Variants in CNTN3 observed in about 807,000 individuals in gnomAD.
CNTN3 encodes contactin-3.
Under a neutral mutation model 119.1 loss-of-function variants are expected in CNTN3, and 60 were observed. The observed-to-expected ratio is 0.50, with a 90% CI of 0.41 to 0.62. The LOEUF (loss-of-function observed/expected upper bound fraction) is 0.62, where lower values mean the gene tolerates loss of function less well. CNTN3 is among the 20% of genes least tolerant of loss of function. The probability of loss-of-function intolerance (pLI) is 0.00; values close to 1 mark genes in which losing one functional copy is unlikely to be tolerated. For synonymous variants in CNTN3, 450 were observed against 438.7 expected (o/e 1.03, Z -0.32); for missense variants, 1,101 against 1,242.4 (o/e 0.89, Z 1.71).
chr3:74,388,199 A>C (rs948429845), intron 5 of CNTN3, among the ~76,000 whole-genome samples: 2 of 152,230 alleles, frequency 1.3e-5, no homozygotes, highest in Admixed American at 6.5e-5. Flanking sequence ...CCTAACATAC[A>C]GCAAAAACCA....
chr3:74,566,045 T>A (rs1704221157), intron 1 of CNTN3, among the ~76,000 whole-genome samples: 1 of 152,196 alleles, frequency 6.6e-6, no homozygotes, highest in Non-Finnish European at 1.5e-5. Context: ...TCTTCTGCTA[T>A]GATTGTGAGG....
chr3:74,315,060 T>C (rs1702795272), intron 13 of CNTN3, among the ~76,000 whole-genome samples: 1 of 152,210 alleles, frequency 6.6e-6, no homozygotes, highest in Admixed American at 6.5e-5. Context: ...CCAATAAAAG[T>C]GACCTTTGGT....
intron 1 of CNTN3, among the ~76,000 whole-genome samples, 117 bp from the exon 2 acceptor site, chr3:74,521,309 A>G (rs1306837330): frequency 6.6e-6 from 1 of 151,442 alleles, no homozygotes; most frequent in Non-Finnish European, 1.5e-5. Context: ...GAAAACCCTC[A>G]GATAAAACAA....
chr3:74,588,674 C>A (rs550508183), intron 1 of CNTN3, among the ~76,000 whole-genome samples: 4 of 152,040 alleles, frequency 2.6e-5, no homozygotes, highest in African/African-American at 4.8e-5. Flanking sequence ...AAGAACAAAG[C>A]CGGAGGCATC....
At chr3:74,429,207 T>C (rs568361724) in intron 4 of CNTN3, among the ~76,000 whole-genome samples, 1 of 152,202 alleles carries the variant, frequency 6.6e-6, no homozygotes, top group South Asian at 2.1e-4. Flanking sequence ...CTAAAATTTA[T>C]ATGTAAAGGC....
chr3:74,284,547 C>T (rs1312395903), intron 20 of CNTN3, among the ~76,000 whole-genome samples: 1 of 152,120 alleles, frequency 6.6e-6, no homozygotes, highest in Non-Finnish European at 1.5e-5. Flanking sequence ...TGTTTTCAAT[C>T]ACTATTAGCT....
At chr3:74,584,461 G>A (rs528366320) in intron 1 of CNTN3, among the ~76,000 whole-genome samples, 6 of 151,958 alleles carry the variant, frequency 3.9e-5, no homozygotes, top group African/African-American at 1.2e-4. Flanking sequence ...TGAGGGTAAC[G>A]AGTGAGTTCT....
At chr3:74,455,030 T>C (rs1323655721) in intron 4 of CNTN3, among the ~76,000 whole-genome samples, 2 of 152,088 alleles carry the variant, frequency 1.3e-5, no homozygotes, top group African/African-American at 4.8e-5. Flanking sequence ...GTTCTCTTTA[T>C]TTCCTGAATC....
chr3:74,299,674 A>G (rs548204211), intron 17 of CNTN3, among the ~76,000 whole-genome samples, 194 bp downstream of exon 17: 2 of 152,242 alleles, frequency 1.3e-5, no homozygotes, highest in South Asian at 4.1e-4. Context: ...CTAGGGCTAC[A>G]ACCACCACCA....
At chr3:74,455,604 C>T (rs1479142057) in intron 4 of CNTN3, among the ~76,000 whole-genome samples, 1 of 152,054 alleles carries the variant, frequency 6.6e-6, no homozygotes, top group African/African-American at 2.4e-5. Flanking sequence ...AGTTTTTCTG[C>T]TCTGTTTTTT....
intron 11 of CNTN3, among the ~76,000 whole-genome samples, chr3:74,359,202 G>A (rs1317470645): frequency 6.6e-6 from 1 of 151,990 alleles, no homozygotes; most frequent in Non-Finnish European, 1.5e-5. Context: ...CCTTCACAGT[G>A]ACCAACCAAC....
rs756259246 is a variant in CNTN3 at position 74,299,930 on chromosome 3, C to T, written c.2104G>A (p.Val702Met). ...CCTCCATTGACTTCAGAAGGAGGCA[C>T]TTCTGGAACTATACAGGTCAGAGAA... ...KVRTEEAVPEVPPSEVNGGGG... is the reference protein window; with the variant it reads ...KVRTEEAVPEMPPSEVNGGGG... Residue 702 changes from valine (V) to methionine (M), a missense_variant, in exon 17 of 23, where the codon GTG becomes ATG. By Grantham distance (21) the Val-to-Met change is conservative (BLOSUM62 1). Coordinates refer to ENST00000263665, the MANE Select transcript of CNTN3 (RefSeq NM_020872.3). 7 of 1,603,272 alleles carry T rather than the reference C, an allele frequency of 4.4e-6. No homozygotes were observed. The highest frequency in any genetic ancestry group is 6.0e-6 in the Non-Finnish European group (7 of 1,174,716).
At chr3:74,409,513 GTTT>G (rs879680280) in intron 5 of CNTN3, among the ~76,000 whole-genome samples, 1 of 146,226 alleles carries the variant, frequency 6.8e-6, no homozygotes, top group African/African-American at 2.5e-5. Flanking sequence ...TTTGTCTAAA[GTTT>G]TTTTTTTTTA....
intron 11 of CNTN3, among the ~76,000 whole-genome samples, chr3:74,348,221 G>A (rs1703737477): frequency 6.6e-6 from 1 of 151,590 alleles, no homozygotes; most frequent in South Asian, 2.1e-4. Flanking sequence ...AACTATGTGC[G>A]GTGATAGATA....
intron 4 of CNTN3, among the ~76,000 whole-genome samples, chr3:74,468,004 C>T (rs1348610097): frequency 1.1e-4 from 17 of 152,098 alleles, no homozygotes; most frequent in Admixed American, 7.9e-4. Flanking sequence ...AAAGAAAACC[C>T]CCATGGAAGA....
At chr3:74,524,499 T>C (rs1703587821) in intron 1 of CNTN3, among the ~76,000 whole-genome samples, 1 of 151,906 alleles carries the variant, frequency 6.6e-6, no homozygotes, top group Admixed American at 6.6e-5. Context: ...GGAAAACTTC[T>C]CTGAGGAATT....
intron 1 of CNTN3, among the ~76,000 whole-genome samples, chr3:74,574,051 C>A (rs1160671533): frequency 6.6e-6 from 1 of 152,056 alleles, no homozygotes; most frequent in Non-Finnish European, 1.5e-5. Context: ...ACCCAAATGT[C>A]AATCAACTGA....
At position 74,361,932 on chromosome 3, in the gene CNTN3, G is replaced by A. The variant is rs780103312; in HGVS notation, c.1322C>T (p.Ser441Phe). The A allele has an allele frequency of 1.2e-6, 2 of 1,613,746 alleles. No homozygotes were observed. The highest frequency in any genetic ancestry group is 2.2e-5 in the East Asian group (1 of 44,852). The change falls in exon 11 of 23, where the codon TCT becomes TTT. Residue 441 changes from serine to phenylalanine, a missense_variant. Ser to Phe is a radical substitution (Grantham distance 155, BLOSUM62 -2). Coordinates refer to ENST00000263665, the MANE Select transcript of CNTN3 (RefSeq NM_020872.3). ...GCTCACATCCCCCTTCTTCCAGGAA[G>A]AGAGTGCCCTTGGGGAGGCTCTGGG... The part of the protein sequence containing the change: ...CKPRASPRAL[S>F]SWKKGDVSVQ...
chr3:74,283,228 G>C (rs1702049525), intron 20 of CNTN3, among the ~76,000 whole-genome samples: 1 of 152,122 alleles, frequency 6.6e-6, no homozygotes, highest in Non-Finnish European at 1.5e-5. Context: ...TGCAATGTCA[G>C]TACCATTATA....
Sources: allele counts gnomAD v4.1 joint callset (sites outside exome capture counted in the v4.1 genomes callset), GRCh38; gene constraint gnomAD v4.1.1; transcripts MANE v1.5; gene names NCBI Gene and HGNC (gene_info 2026-07-23, HGNC 2026-07-21).